PDE1A: variants seen among roughly 807,000 people sequenced by gnomAD.
PDE1A encodes the protein phosphodiesterase 1A.
Under a neutral mutation model 61.7 loss-of-function variants are expected in PDE1A, and 35 were observed. The ratio of observed to expected loss-of-function variants is 0.57; its 90% CI spans 0.43 to 0.75. PDE1A has a LOEUF of 0.75. Among genes scored for constraint, PDE1A ranks in the 30% least tolerant of loss-of-function variants. The pLI is 0.00. For synonymous variants in PDE1A, 232 were observed against 213.2 expected (o/e 1.09, Z -0.77); for missense variants, 597 against 630.6 (o/e 0.95, Z 0.57).
chr2:182,648,756 A>G, the PDE1A span, among the ~76,000 whole-genome samples: 5 of 152,042 alleles, frequency 3.3e-5, no homozygotes, highest in African/African-American at 9.7e-5. Flanking sequence ...GTTGCAATTA[A>G]TTTAAATAAA....
chr2:182,515,939 CGT>C (rs894496842), intron 2 of PDE1A, among the ~76,000 whole-genome samples: 3 of 108,068 alleles, frequency 2.8e-5, no homozygotes, highest in Admixed American at 9.9e-5. Context: ...AGGGATTGTG[CGT>C]GTGTGTGTGT....
At chr2:182,229,238 G>A (rs1689374190) in intron 6 of PDE1A, among the ~76,000 whole-genome samples, 1 of 151,838 alleles carries the variant, frequency 6.6e-6, no homozygotes, top group South Asian at 2.1e-4. Context: ...TGAAATTCTG[G>A]TTGCCTCCTA....
chr2:182,156,258 A>G (rs1230741705), intron 13 of PDE1A, among the ~76,000 whole-genome samples: 2 of 152,238 alleles, frequency 1.3e-5, no homozygotes, highest in East Asian at 3.8e-4. Flanking sequence ...TAGTAGCAAC[A>G]GTAAAAACAA....
the PDE1A span, among the ~76,000 whole-genome samples, chr2:182,650,030 G>A: frequency 6.6e-6 from 1 of 152,100 alleles, no homozygotes; most frequent in Non-Finnish European, 1.5e-5. Context: ...AGTGAGCTGT[G>A]ATCATATCTA....
chr2:182,200,265 C>A (rs1207273856), intron 10 of PDE1A, among the ~76,000 whole-genome samples: 1 of 152,114 alleles, frequency 6.6e-6, no homozygotes, highest in Non-Finnish European at 1.5e-5. Context: ...CAACTCTGGG[C>A]CTATCCCCTA....
chr2:182,714,906 C>T, the PDE1A span, among the ~76,000 whole-genome samples: 3 of 152,106 alleles, frequency 2.0e-5, no homozygotes, highest in African/African-American at 7.2e-5. Flanking sequence ...TTCTCCTGTT[C>T]TTTCTCCAGT....
chr2:182,562,976 A>G, the PDE1A span, among the ~76,000 whole-genome samples: 90 of 152,226 alleles, frequency 5.9e-4, no homozygotes, highest in Non-Finnish European at 1.0e-3. Context: ...CTAGTGCTCC[A>G]TCAATTTTGT....
chr2:182,440,706 T>C (rs1684732115), intron 2 of PDE1A, among the ~76,000 whole-genome samples: 1 of 152,082 alleles, frequency 6.6e-6, no homozygotes, highest in South Asian at 2.1e-4. Flanking sequence ...ATGCTTATTA[T>C]CCCAATATTA....
At chr2:182,668,987 C>A in the PDE1A span, among the ~76,000 whole-genome samples, 1 of 152,214 alleles carries the variant, frequency 6.6e-6, no homozygotes, top group African/African-American at 2.4e-5. Context: ...TCCAATCCCA[C>A]TCATCATGCT....
chr2:182,671,322 C>A, the PDE1A span, among the ~76,000 whole-genome samples: 1 of 150,512 alleles, frequency 6.6e-6, no homozygotes, highest in African/African-American at 2.4e-5. Flanking sequence ...CAGGCGCCTG[C>A]CACCACGACT....
chr2:182,568,452 GCAGATCACTAGGA>G, the PDE1A span, among the ~76,000 whole-genome samples: 1 of 151,408 alleles, frequency 6.6e-6, no homozygotes, highest in East Asian at 2.0e-4. Context: ...GCCAAGGCGG[GCAGATCACTAGGA>G]CAGGAGATCG....
chr2:182,219,705 T>G (rs1688557357), intron 7 of PDE1A, among the ~76,000 whole-genome samples: 1 of 152,108 alleles, frequency 6.6e-6, no homozygotes. Context: ...AAAGTCCTAG[T>G]TATAACCTAG....
intron 1 of PDE1A, among the ~76,000 whole-genome samples, chr2:182,333,644 A>G (rs559678781): frequency 7.2e-5 from 11 of 152,330 alleles, no homozygotes; most frequent in Admixed American, 2.0e-4. Context: ...TCTAAAATCA[A>G]CATCCTAACA....
At chr2:182,627,170 A>ATTTATATATAAAATATAAATAT in the PDE1A span, among the ~76,000 whole-genome samples, 161 of 16,242 alleles carry the variant, frequency 9.9e-3, 21 homozygotes, top group Admixed American at 0.012. Flanking sequence ...AATATAAATA[A>ATTTATATATAAAATATAAATAT]TATTTATATA....
chr2:182,248,219 G>C (rs962812350), intron 2 of PDE1A, among the ~76,000 whole-genome samples: 1 of 147,932 alleles, frequency 6.8e-6, no homozygotes, highest in African/African-American at 2.5e-5. Flanking sequence ...TCACACCACT[G>C]CACTCCAGCC....
chr2:182,170,128 A>G lies in PDE1A; in HGVS notation c.1517-1838T>C, dbSNP rs1574547678. On this transcript the variant is annotated intron_variant, in intron 13 of 13. Coordinates refer to ENST00000351439, the Ensembl canonical transcript of PDE1A. ...AACCAACCCATCATAATTAACTTCT[A>G]GAACATGATACAGGTTACTGGTTTT... Among the ~76,000 whole-genome samples the G allele has an allele frequency of 2.0e-5, 3 of 152,186 alleles. No homozygotes were observed. The East Asian group carries it at 5.8e-4, about 29-fold the overall frequency.
At chr2:182,460,585 C>T (rs1020568225) in intron 2 of PDE1A, among the ~76,000 whole-genome samples, 6 of 152,082 alleles carry the variant, frequency 3.9e-5, no homozygotes, top group Admixed American at 3.3e-4. Flanking sequence ...GCCTTGTTTC[C>T]TTTGCTCGAC....
the PDE1A span, among the ~76,000 whole-genome samples, chr2:182,676,035 T>C: frequency 6.6e-6 from 1 of 152,326 alleles, no homozygotes; most frequent in Non-Finnish European, 1.5e-5. Context: ...CCCATTACTA[T>C]GTTCAGGATG....
chr2:182,540,997 T>C, the PDE1A span, among the ~76,000 whole-genome samples: 1 of 151,974 alleles, frequency 6.6e-6, no homozygotes, highest in African/African-American at 2.4e-5. Flanking sequence ...AAACCCCCAA[T>C]ATAATTGCAG....
Sources: gnomAD v4.1 joint callset for allele counts (sites outside exome capture counted in the v4.1 genomes callset) on GRCh38, gnomAD v4.1.1 for gene constraint, MANE v1.5 for transcripts, NCBI Gene and HGNC (gene_info 2026-07-23, HGNC 2026-07-21) for gene names.